Variants in COL28A1 observed in about 807,000 individuals in gnomAD.
COL28A1 encodes collagen type XXVIII alpha 1 chain.
COL28A1 carries 161 observed loss-of-function variants against 150.2 expected under a neutral mutation model. That is an observed-to-expected ratio of 1.07 (90% confidence interval 0.94 to 1.22). The LOEUF (loss-of-function observed/expected upper bound fraction) is 1.22. Among genes scored for constraint, COL28A1 ranks in the 50% most tolerant of loss-of-function variants. The pLI is 0.00. For synonymous variants in COL28A1, 552 were observed against 469.7 expected (o/e 1.18, Z -2.26); for missense variants, 1,617 against 1,388.3 (o/e 1.16, Z -2.62).
At chr7:7,502,136 G>A (rs557328200) in intron 11 of COL28A1, among the ~76,000 whole-genome samples, 4 of 152,200 alleles carry the variant, frequency 2.6e-5, no homozygotes, top group South Asian at 4.2e-4. Context: ...TCCTGACCTC[G>A]TGATCCACCT....
At position 7,453,474 on chromosome 7, in the gene COL28A1, TGTGGACCAG is replaced by T; in HGVS notation, c.1397_1405del (p.Pro466_Pro468del). On this transcript the variant is annotated inframe_deletion, in exon 17 of 35. Coordinates refer to ENST00000399429, the MANE Select transcript of COL28A1 (RefSeq NM_001037763.3). ...AGGTAAGCCCTGTCCTGCGGGCCCTTGTGGACCAGGTGGACCAATAGGACCTTGGATTCC... is the reference window on the plus strand; with the variant it reads ...AGGTAAGCCCTGTCCTGCGGGCCCTTGTGGACCAATAGGACCTTGGATTCC... 2.3e-6 allele frequency: 3 copies of T among 1,302,364 alleles called. No individual in the cohort carries two copies. The highest frequency in any genetic ancestry group is 3.3e-6 in the Non-Finnish European group (3 of 897,580). 80.7% of individuals were successfully genotyped at this position (1,302,364 alleles called of 1,614,324 possible).
chr7:7,424,295 T>C (rs1583338155), intron 25 of COL28A1, among the ~76,000 whole-genome samples: 1 of 152,310 alleles, frequency 6.6e-6, no homozygotes, highest in East Asian at 1.9e-4. Context: ...GTGGGGTCTT[T>C]GAAAATGATC....
At chr7:7,406,421 G>C (rs946264062) in intron 27 of COL28A1, among the ~76,000 whole-genome samples, 1 of 152,156 alleles carries the variant, frequency 6.6e-6, no homozygotes, top group African/African-American at 2.4e-5. Flanking sequence ...CAGATACTCT[G>C]CTAGGTGCTG....
intron 18 of COL28A1, among the ~76,000 whole-genome samples, chr7:7,444,968 T>C (rs1490710869): frequency 6.6e-6 from 1 of 152,098 alleles, no homozygotes; most frequent in East Asian, 1.9e-4. Context: ...TCATGATATC[T>C]GGTTGTTTAA....
At chr7:7,388,546 T>C (rs1782339901) in intron 27 of COL28A1, among the ~76,000 whole-genome samples, 1 of 152,138 alleles carries the variant, frequency 6.6e-6, no homozygotes, top group African/African-American at 2.4e-5. Flanking sequence ...CTGGGTCAAA[T>C]GGTATTTCTG....
At chr7:7,400,773 T>C (rs925689183) in intron 27 of COL28A1, among the ~76,000 whole-genome samples, 1 of 152,176 alleles carries the variant, frequency 6.6e-6, no homozygotes, top group African/African-American at 2.4e-5. Context: ...GTTGCCTGTA[T>C]ACTTTGTCTT....
chr7:7,444,547 T>C lies in COL28A1; in HGVS notation c.1510-58A>G, dbSNP rs537538445. 175 of 1,494,690 alleles carry C rather than the reference T, an allele frequency of 1.2e-4. 2 individuals are homozygous for C. In the South Asian group the frequency reaches 1.8e-3, roughly 16 times the overall value. The allele number at this position is 1,494,690 out of a possible 1,614,324, so 92.6% of individuals were successfully genotyped here. On this transcript the variant is annotated intron_variant, in intron 18 of 34. Coordinates refer to ENST00000399429, the MANE Select transcript of COL28A1 (RefSeq NM_001037763.3). The stretch of plus-strand genomic sequence containing the variant: ...AGTTCATACCTCCATTCTGAGGTAC[T>C]TGCAATTGGATGTATCTTACAGTGT...
chr7:7,513,821 A>T (rs1781279480), intron 8 of COL28A1, among the ~76,000 whole-genome samples: 1 of 152,192 alleles, frequency 6.6e-6, no homozygotes, highest in African/African-American at 2.4e-5. Flanking sequence ...CCATCAATGA[A>T]AATATTGTAT....
At chr7:7,496,683 A>G (rs190862862) in intron 11 of COL28A1, among the ~76,000 whole-genome samples, 139 of 152,352 alleles carry the variant, frequency 9.1e-4, no homozygotes, top group African/African-American at 3.2e-3. Context: ...AAGACAATAC[A>G]TAACAAATGG....
At chr7:7,471,758 G>T (rs1195962350) in intron 15 of COL28A1, among the ~76,000 whole-genome samples, 1 of 152,106 alleles carries the variant, frequency 6.6e-6, no homozygotes, top group Non-Finnish European at 1.5e-5. Flanking sequence ...AGCTGGATGT[G>T]GTGGCGGGCA....
intron 30 of COL28A1, among the ~76,000 whole-genome samples, chr7:7,380,415 C>T (rs1781804884): frequency 6.6e-6 from 1 of 152,076 alleles, no homozygotes; most frequent in Admixed American, 6.5e-5. Flanking sequence ...TCATTTCTAC[C>T]AAGCATCCGA....
intron 9 of COL28A1, among the ~76,000 whole-genome samples, chr7:7,509,658 C>G (rs1213159466): frequency 6.6e-6 from 1 of 151,758 alleles, no homozygotes; most frequent in Admixed American, 6.6e-5. Context: ...GTTGTTATTC[C>G]TTTTTGGTAT....
intron 33 of COL28A1, among the ~76,000 whole-genome samples, chr7:7,363,729 T>G (rs775459286): frequency 6.6e-6 from 1 of 152,160 alleles, no homozygotes; most frequent in Non-Finnish European, 1.5e-5. Flanking sequence ...TTTTCTATGC[T>G]CTATGCTATT....
chr7:7,362,719 A>G lies in COL28A1; in HGVS notation c.3067-2191T>C, dbSNP rs1780733987. 2.0e-5 allele frequency among the ~76,000 whole-genome samples: 3 copies of G among 152,208 alleles called. No homozygotes were observed. In the South Asian group the frequency reaches 6.2e-4, roughly 31 times the overall value. ...AACACAACTTTTGGTACAAGTGGAG[A>G]CAAAACTGTGGATTACTTGAGGTTC... On this transcript the variant is annotated intron_variant, in intron 33 of 34. Transcript: ENST00000399429.
intron 19 of COL28A1, 142 bp from the exon 20 acceptor site, chr7:7,443,795 C>T (rs1786004580): frequency 1.6e-6 from 2 of 1,251,152 alleles, no homozygotes; most frequent in Non-Finnish European, 2.1e-6. Context: ...GTCTCAAAAT[C>T]AATTTGGAAG....
chr7:7,520,871 G>T (rs1781685869), intron 5 of COL28A1, among the ~76,000 whole-genome samples: 1 of 152,166 alleles, frequency 6.6e-6, no homozygotes, highest in Non-Finnish European at 1.5e-5. Context: ...TATAGGAAGG[G>T]ATGGCTAAAC....
chr7:7,462,062 A>C (rs1261040673), intron 15 of COL28A1, among the ~76,000 whole-genome samples: 2 of 152,202 alleles, frequency 1.3e-5, no homozygotes, highest in African/African-American at 2.4e-5. Context: ...GACTCTGTGC[A>C]AACAGCCCCC....
Position 7,373,040 on chromosome 7 carries a change from G to C in COL28A1, c.2866C>G (p.Pro956Ala). The change falls in exon 32 of 35, where the codon CCA becomes GCA. Residue 956 changes from proline to alanine, a missense_variant. By Grantham distance (27) the Pro-to-Ala change is conservative. Coordinates refer to ENST00000399429, the MANE Select transcript of COL28A1 (RefSeq NM_001037763.3). The surrounding 1 kb of genome is among the most constrained non-coding windows in gnomAD (Gnocchi z 4.1). ...TCATCAAACTGGTAAACATGCTCTG[G>C]GTCAGTAGCAATTAGATTCATTTCT... is the stretch of plus-strand genomic sequence containing the variant. ...HKEMNLIATDPEHVYQFDDFF... is the reference protein window; with the variant it reads ...HKEMNLIATDAEHVYQFDDFF... 6.2e-7 allele frequency: 1 copy of C among 1,614,010 alleles called. No individual in the cohort carries two copies. Among genetic ancestry groups the C allele is most frequent in the South Asian group, 1.1e-5 (1 of 91,064 alleles).
intron 13 of COL28A1, among the ~76,000 whole-genome samples, chr7:7,480,386 G>T (rs1390087210): frequency 2.6e-5 from 4 of 152,088 alleles, no homozygotes; most frequent in African/African-American, 9.7e-5. Flanking sequence ...AGACCTTAAT[G>T]AAAGCACTAA....
Sources: allele counts gnomAD v4.1 joint callset (sites outside exome capture counted in the v4.1 genomes callset), GRCh38; gene constraint gnomAD v4.1.1; non-coding constraint Gnocchi (gnomAD v3.1); transcripts MANE v1.5; gene names NCBI Gene and HGNC (gene_info 2026-07-23, HGNC 2026-07-21).